The following DYM variants were observed in gnomAD, a reference collection of about 807,000 sequenced individuals.
DYM encodes dymeclin, also known as dyggve-Melchior-Clausen syndrome protein.
Under a neutral mutation model 93.1 loss-of-function variants are expected in DYM, and 78 were observed. The ratio of observed to expected loss-of-function variants is 0.84; its 90% CI spans 0.70 to 1.01. The LOEUF is 1.01. Ranked by LOEUF, DYM falls within the 50% of genes least tolerant of loss-of-function variation. DYM has a pLI of 0.00. For missense variants in DYM, 789 were observed against 845.0 expected (o/e 0.93, Z 0.82); for synonymous variants, 321 against 319.7 (o/e 1.00, Z -0.04).
intron 15 of DYM, among the ~76,000 whole-genome samples, chr18:49,122,238 TG>T (rs1442349688): frequency 2.0e-5 from 3 of 152,324 alleles, no homozygotes; most frequent in South Asian, 2.1e-4. Flanking sequence ...AGGCTGTATT[TG>T]TAAAGTTAAT....
intron 13 of DYM, among the ~76,000 whole-genome samples, chr18:49,217,596 T>G (rs924175745): frequency 6.6e-6 from 1 of 152,150 alleles, no homozygotes; most frequent in Non-Finnish European, 1.5e-5. Context: ...TGGGGGACAA[T>G]AGTCAACATT....
At chr18:49,301,219 A>G (rs2060908656) in intron 8 of DYM, among the ~76,000 whole-genome samples, 1 of 152,190 alleles carries the variant, frequency 6.6e-6, no homozygotes, top group Non-Finnish European at 1.5e-5. Flanking sequence ...ACTCCTTAAA[A>G]AGAATTAAGA....
chr18:49,413,436 C>A (rs959322452), intron 2 of DYM, among the ~76,000 whole-genome samples: 1 of 151,948 alleles, frequency 6.6e-6, no homozygotes, highest in African/African-American at 2.4e-5. Context: ...TTAGCGAATC[C>A]TTTTAGCAGA....
At chr18:49,372,750 G>GA in intron 5 of DYM, among the ~76,000 whole-genome samples, 1 of 150,008 alleles carries the variant, frequency 6.7e-6, no homozygotes, top group Admixed American at 6.7e-5. Flanking sequence ...GCCTGAAAAA[G>GA]AAAAAACCAT....
chr18:49,250,999 A>G (rs1367081641), intron 13 of DYM, among the ~76,000 whole-genome samples: 3 of 152,192 alleles, frequency 2.0e-5, no homozygotes, highest in Non-Finnish European at 4.4e-5. Context: ...TGTAGTGTGC[A>G]TTGTAGAATG....
intron 13 of DYM, among the ~76,000 whole-genome samples, chr18:49,239,599 C>T (rs964246681): frequency 6.6e-6 from 1 of 152,236 alleles, no homozygotes; most frequent in South Asian, 2.1e-4. Context: ...CTCTTGGGAA[C>T]CTGCCTGCGT....
chr18:49,215,295 A>C (rs2092981477), intron 13 of DYM, among the ~76,000 whole-genome samples: 1 of 152,218 alleles, frequency 6.6e-6, no homozygotes. Context: ...ATTCCTCGTC[A>C]GTCTTATTAC....
At chr18:49,327,803 T>C (rs917776421) in intron 8 of DYM, among the ~76,000 whole-genome samples, 1 of 152,204 alleles carries the variant, frequency 6.6e-6, no homozygotes, top group Non-Finnish European at 1.5e-5. Context: ...TTCTTACAAC[T>C]GAGTTCACAT....
intron 1 of DYM, among the ~76,000 whole-genome samples, chr18:49,441,291 T>A (rs1443422924): frequency 2.2e-5 from 1 of 45,002 alleles, no homozygotes; most frequent in Non-Finnish European, 3.6e-5. Flanking sequence ...TAATTATATA[T>A]AATATAATTA....
chr18:49,146,724 T>C (rs1032911895), intron 15 of DYM, among the ~76,000 whole-genome samples: 7 of 152,236 alleles, frequency 4.6e-5, no homozygotes, highest in African/African-American at 4.8e-5. Context: ...GAACATTCTA[T>C]GATCATGGGT....
intron 17 of DYM, among the ~76,000 whole-genome samples, chr18:49,061,847 A>G (rs1375452317): frequency 6.6e-6 from 1 of 152,222 alleles, no homozygotes; most frequent in African/African-American, 2.4e-5. Context: ...GTCAAACTTC[A>G]TATGTTTAGA....
At chr18:49,348,448 G>A (rs1324242081) in intron 6 of DYM, among the ~76,000 whole-genome samples, 2 of 152,118 alleles carry the variant, frequency 1.3e-5, no homozygotes, top group African/African-American at 4.8e-5. Context: ...CTTAACACTA[G>A]AAGAAACAGT....
At chr18:49,361,381 T>C (rs1298189739) in intron 6 of DYM, among the ~76,000 whole-genome samples, 1 of 152,232 alleles carries the variant, frequency 6.6e-6, no homozygotes, top group Non-Finnish European at 1.5e-5. Context: ...CACAAATACC[T>C]GTCTTTCCTT....
At chr18:49,202,314 G>A (rs982227339) in intron 14 of DYM, among the ~76,000 whole-genome samples, 6 of 152,156 alleles carry the variant, frequency 3.9e-5, no homozygotes, top group Non-Finnish European at 7.3e-5. Context: ...AACTCTAGGG[G>A]AGTGCAGTGG....
intron 2 of DYM, among the ~76,000 whole-genome samples, chr18:49,425,268 A>G (rs952506074): frequency 2.0e-5 from 3 of 152,210 alleles, no homozygotes; most frequent in African/African-American, 7.2e-5. Flanking sequence ...ATCTTTGACA[A>G]ACCTGACAAA....
intron 10 of DYM, among the ~76,000 whole-genome samples, chr18:49,278,801 G>A (rs1187569511): frequency 6.6e-6 from 1 of 152,058 alleles, no homozygotes; most frequent in Non-Finnish European, 1.5e-5. Flanking sequence ...TCAGCCCCTA[G>A]AACCAGCTAT....
intron 1 of DYM, among the ~76,000 whole-genome samples, chr18:49,440,117 C>G (rs1429163612): frequency 7.4e-6 from 1 of 135,236 alleles, no homozygotes; most frequent in Non-Finnish European, 1.6e-5. Context: ...AAGTCAATCT[C>G]CTCTTTTATG....
intron 6 of DYM, among the ~76,000 whole-genome samples, chr18:49,347,543 T>C (rs1182607899): frequency 6.6e-6 from 1 of 152,222 alleles, no homozygotes; most frequent in Non-Finnish European, 1.5e-5. Context: ...TAAGCATCTA[T>C]TAACTCGCTC....
chr18:49,048,955 T>A (rs1051218267), intron 17 of DYM, among the ~76,000 whole-genome samples: 2 of 152,242 alleles, frequency 1.3e-5, no homozygotes, highest in African/African-American at 4.8e-5. Flanking sequence ...AAGTACACTC[T>A]TTGGCTGGTA....
Sources: gnomAD v4.1 joint callset for allele counts (sites outside exome capture counted in the v4.1 genomes callset) on GRCh38, gnomAD v4.1.1 for gene constraint, MANE v1.5 for transcripts, NCBI Gene and HGNC (gene_info 2026-07-23, HGNC 2026-07-21) for gene names.